Variants in FOCAD observed in about 807,000 individuals in gnomAD.
FOCAD encodes focadhesin.
FOCAD carries 198 observed loss-of-function variants against 225.6 expected under a neutral mutation model. The ratio of observed to expected loss-of-function variants is 0.88; its 90% CI spans 0.78 to 0.99. The LOEUF (loss-of-function observed/expected upper bound fraction) is 0.99. Among genes scored for constraint, FOCAD ranks in the 50% least tolerant of loss-of-function variants. FOCAD has a pLI of 0.00. For missense variants in FOCAD, 2,713 were observed against 2,123.6 expected (o/e 1.28, Z -5.46); for synonymous variants, 897 against 755.0 (o/e 1.19, Z -3.08).
intron 16 of FOCAD, among the ~76,000 whole-genome samples, chr9:20,865,306 GA>G (rs968051406): frequency 1.2e-4 from 19 of 152,050 alleles, no homozygotes; most frequent in Admixed American, 5.9e-4. Flanking sequence ...TTGGGGACTA[GA>G]ATATGCAAAG....
At chr9:20,799,789 G>A (rs1821581626) in intron 11 of FOCAD, among the ~76,000 whole-genome samples, 1 of 152,102 alleles carries the variant, frequency 6.6e-6, no homozygotes, top group Non-Finnish European at 1.5e-5. Context: ...GATGGTTCTT[G>A]ACTCTTTATC....
At chr9:20,668,615 T>C (rs1475661905) in intron 2 of FOCAD, among the ~76,000 whole-genome samples, 1 of 152,194 alleles carries the variant, frequency 6.6e-6, no homozygotes, top group East Asian at 1.9e-4. Context: ...TTACAGGGCA[T>C]GATGGCCACT....
intron 11 of FOCAD, among the ~76,000 whole-genome samples, chr9:20,800,743 A>G (rs1821719207): frequency 6.6e-6 from 1 of 151,880 alleles, no homozygotes; most frequent in East Asian, 1.9e-4. Flanking sequence ...CTGGTTAGCC[A>G]TTCGTCTAAT....
chr9:20,730,391 T>C (rs533650694), intron 4 of FOCAD, among the ~76,000 whole-genome samples: 1 of 152,314 alleles, frequency 6.6e-6, no homozygotes, highest in Admixed American at 6.5e-5. Flanking sequence ...TGTAATTCTT[T>C]TATTTACTAA....
chr9:20,862,524 C>T (rs1828865067), intron 15 of FOCAD, 54 bp from the exon 16 acceptor site: 2 of 1,577,964 alleles, frequency 1.3e-6, no homozygotes, highest in Admixed American at 1.8e-5. Flanking sequence ...TAATTAATGG[C>T]TTCATATAGG....
chr9:20,913,049 T>A, intron 23 of FOCAD, 95 bp downstream of exon 23: 1 of 950,192 alleles, frequency 1.1e-6, no homozygotes, highest in Non-Finnish European at 1.6e-6. Context: ...TTAGCAGGTT[T>A]AACCTCTATA....
At chr9:20,867,245 A>G (rs1261535943) in intron 18 of FOCAD, among the ~76,000 whole-genome samples, 1 of 151,988 alleles carries the variant, frequency 6.6e-6, no homozygotes, top group Middle Eastern at 3.2e-3. Flanking sequence ...GTGACTGGGT[A>G]TATGGCTTGC....
intron 42 of FOCAD, among the ~76,000 whole-genome samples, chr9:20,992,798 GA>G (rs759493927): frequency 2.0e-5 from 3 of 151,784 alleles, no homozygotes; most frequent in African/African-American, 7.3e-5. Context: ...TCTCTACTAA[GA>G]AAAAAATACA....
At chr9:20,728,769 A>AT (rs1826424199) in intron 4 of FOCAD, among the ~76,000 whole-genome samples, 1 of 152,246 alleles carries the variant, frequency 6.6e-6, no homozygotes, top group African/African-American at 2.4e-5. Flanking sequence ...TCCTGTGTGG[A>AT]TTAGGTCTCT....
chr9:20,923,132 AAAG>A (rs1834610457), intron 24 of FOCAD, among the ~76,000 whole-genome samples: 1 of 152,160 alleles, frequency 6.6e-6, no homozygotes, highest in Non-Finnish European at 1.5e-5. Flanking sequence ...ATATTAAGAG[AAAG>A]AAGGAGAGGA....
At position 20,758,087 on chromosome 9, in the gene FOCAD, C is replaced by T. The variant is rs1289837275; in HGVS notation, c.393-3C>T. 6 of 1,595,926 alleles carry T rather than the reference C, an allele frequency of 3.8e-6. No individual in the cohort carries two copies. The highest frequency in any genetic ancestry group is 2.3e-5 in the East Asian group (1 of 44,264). On this transcript the variant is annotated splice_polypyrimidine_tract_variant and splice_region_variant and intron_variant, in intron 5 of 43. Coordinates refer to ENST00000338382, the MANE Select transcript of FOCAD (RefSeq NM_001375567.1). ...TTCCCATGTGACTTTCTGTGTCTTT[C>T]AGAAATCATCCTCATCCTTTGATAA...
At chr9:20,669,445 G>T (rs1416819891) in intron 2 of FOCAD, among the ~76,000 whole-genome samples, 1 of 152,150 alleles carries the variant, frequency 6.6e-6, no homozygotes, top group Non-Finnish European at 1.5e-5. Context: ...GTCAAGATTG[G>T]ATATGTGTTG....
intron 15 of FOCAD, among the ~76,000 whole-genome samples, chr9:20,832,648 C>T (rs978663612): frequency 3.3e-5 from 5 of 151,874 alleles, no homozygotes; most frequent in Admixed American, 6.6e-5. Context: ...TATTCATTCT[C>T]TTTTTTCTTT....
At position 20,741,510 on chromosome 9, in the gene FOCAD, T is replaced by C. The variant is rs1466863751; in HGVS notation, c.392+1170T>C. 2.6e-5 allele frequency among the ~76,000 whole-genome samples: 4 copies of C among 152,110 alleles called. No individual in the cohort carries two copies. In the East Asian group the frequency reaches 5.8e-4, roughly 22 times the overall value. ...AAAGTCATATTTGCATTTTATATTT[T>C]TTCTTAACATATTTTGTGAATATCT... is the stretch of plus-strand genomic sequence containing the variant. On this transcript the variant is annotated intron_variant, in intron 5 of 43. Transcript: ENST00000338382.
intron 5 of FOCAD, among the ~76,000 whole-genome samples, chr9:20,749,275 A>G (rs556726293): frequency 1.3e-5 from 2 of 152,294 alleles, no homozygotes; most frequent in African/African-American, 4.8e-5. Flanking sequence ...TCTCTGCCTT[A>G]TAGACTCAAA....
Position 20,822,775 on chromosome 9 carries a change from G to A in FOCAD, c.1794-214G>A, listed in dbSNP as rs189010069. On this transcript the variant is annotated intron_variant, in intron 14 of 43. Coordinates refer to ENST00000338382, the MANE Select transcript of FOCAD (RefSeq NM_001375567.1). ...AAATTTGTTAAAAAGTGTCTTTTTG[G>A]GTTATTTCTATATAAAAACGAGCAT... 1.7e-3 allele frequency among the ~76,000 whole-genome samples: 253 copies of A among 151,566 alleles called. 1 individual carries two copies. The highest frequency in any genetic ancestry group is 2.9e-3 in the Non-Finnish European group (199 of 67,864).
chr9:20,949,762 C>A (rs1587700098), intron 33 of FOCAD, 87 bp downstream of exon 33: 1 of 1,148,696 alleles, frequency 8.7e-7, no homozygotes, highest in East Asian at 2.4e-5. Flanking sequence ...ACATGTTTTA[C>A]CTGGAAAATG....
At chr9:20,851,257 T>C (rs1175388160) in intron 15 of FOCAD, among the ~76,000 whole-genome samples, 2 of 151,254 alleles carry the variant, frequency 1.3e-5, no homozygotes, top group South Asian at 2.1e-4. Flanking sequence ...TTTAGATCCA[T>C]TGGTATATTA....
At chr9:20,712,759 A>C (rs1230343633) in intron 1 of FOCAD, among the ~76,000 whole-genome samples, 2 of 124,588 alleles carry the variant, frequency 1.6e-5, no homozygotes, top group African/African-American at 6.1e-5. Flanking sequence ...TTTTGACAGA[A>C]TCTCACTCAG....
Sources: gnomAD v4.1 joint callset for allele counts (sites outside exome capture counted in the v4.1 genomes callset) on GRCh38, gnomAD v4.1.1 for gene constraint, MANE v1.5 for transcripts, NCBI Gene and HGNC (gene_info 2026-07-23, HGNC 2026-07-21) for gene names.